The following CARD14 variants were observed in gnomAD, a reference collection of about 807,000 sequenced individuals.
The protein encoded by CARD14 is caspase recruitment domain family member 14, also known as caspase recruitment domain-containing protein 14.
Under a neutral mutation model 111.5 loss-of-function variants are expected in CARD14, and 107 were observed. The observed-to-expected ratio is 0.96, with a 90% CI of 0.82 to 1.13. The LOEUF (loss-of-function observed/expected upper bound fraction) is 1.13. Among genes scored for constraint, CARD14 ranks in the 50% most tolerant of loss-of-function variants. The probability of loss-of-function intolerance (pLI) is 0.00; values close to 1 mark genes in which losing one functional copy is unlikely to be tolerated. For missense variants in CARD14, 1,322 were observed against 1,362.3 expected (o/e 0.97, Z 0.47); for synonymous variants, 617 against 579.6 (o/e 1.06, Z -0.93).
chr17:80,174,629 T>G (rs2039980882), intron 2 of CARD14, among the ~76,000 whole-genome samples: 1 of 152,156 alleles, frequency 6.6e-6, no homozygotes, highest in Non-Finnish European at 1.5e-5. Flanking sequence ...ATCTTCTTAT[T>G]TGGCTGGAAG....
chr17:80,186,262 C>A (rs752623870), intron 7 of CARD14, among the ~76,000 whole-genome samples: 3 of 152,178 alleles, frequency 2.0e-5, no homozygotes, highest in Non-Finnish European at 2.9e-5. Flanking sequence ...ACGGCCTCTG[C>A]CTTCCCTTCT....
In CARD14 at chr17:80,191,345, C is replaced by T; in HGVS notation, c.1112C>T (p.Ala371Val). ...RDQAYSARDSAQREISQSLVE... is the reference protein window; with the variant it reads ...RDQAYSARDSVQREISQSLVE... ...CAGGCGTACTCCGCGAGGGACAGTG[C>T]TCAGAGGGAGATTTCCCAGAGCCTG... Residue 371 changes from alanine (A) to valine (V), a missense_variant, in exon 11 of 24, where the codon GCT becomes GTT. Ala to Val is a moderately conservative substitution (Grantham distance 64, BLOSUM62 0). Transcript: ENST00000648509. The T allele has an allele frequency of 6.2e-7, 1 of 1,613,914 alleles. No homozygotes were observed. The highest frequency in any genetic ancestry group is 8.5e-7 in the Non-Finnish European group (1 of 1,179,950).
intron 22 of CARD14, 143 bp downstream of exon 22, chr17:80,205,795 C>G: frequency 1.2e-6 from 1 of 814,186 alleles, no homozygotes; most frequent in Non-Finnish European, 1.8e-6. Flanking sequence ...AACAGCCCAG[C>G]AGGAGCCCAA....
chr17:80,177,246 TA>T (rs1160778300), intron 2 of CARD14, among the ~76,000 whole-genome samples: 2 of 151,964 alleles, frequency 1.3e-5, no homozygotes, highest in East Asian at 3.9e-4. Flanking sequence ...CTTTTTTTTT[TA>T]AGACAGGGTC....
chr17:80,180,970 C>T (rs1489105929), intron 4 of CARD14, among the ~76,000 whole-genome samples: 1 of 152,118 alleles, frequency 6.6e-6, no homozygotes. Context: ...ACCATATTTG[C>T]CAGGCTGGTC....
chr17:80,195,663 C>T lies in CARD14; in HGVS notation c.1594+11C>T. On this transcript the variant is annotated intron_variant, in intron 14 of 23. Coordinates refer to ENST00000648509, the MANE Select transcript of CARD14 (RefSeq NM_001366385.1). The surrounding 1 kb of genome is among the most constrained non-coding windows in gnomAD (Gnocchi z 4.7). ...TCCTAGACACGGCAGGTGAGCACGC[C>T]CAACCCTGAACCTCCACAGCAGTCC... 4 of 1,607,346 alleles carry T rather than the reference C, an allele frequency of 2.5e-6. No homozygotes were observed. Among genetic ancestry groups the T allele is most frequent in the Non-Finnish European group, 3.4e-6 (4 of 1,176,716 alleles).
chr17:80,188,041 G>A lies in CARD14; in HGVS notation c.676-336G>A, dbSNP rs2040403090. 4 of 901,640 alleles carry A rather than the reference G, an allele frequency of 4.4e-6. No homozygotes were observed. The South Asian group carries it at 2.0e-4, about 46-fold the overall frequency. The allele number at this position is 901,640 out of a possible 1,614,324, so 55.9% of individuals were successfully genotyped here. A position where few individuals can be genotyped will look rare whatever the true frequency, so the allele number is the denominator to read the frequency against. The stretch of plus-strand genomic sequence containing the variant: ...CATGGACAAGCAGGGAAGCCAGGGA[G>A]CATGCTGGCCATCACTGCCGGCTGC... On this transcript the variant is annotated intron_variant, in intron 7 of 23. Coordinates refer to ENST00000648509, the MANE Select transcript of CARD14 (RefSeq NM_001366385.1). The surrounding 1 kb of genome is among the most constrained non-coding windows in gnomAD (Gnocchi z 4.5).
intron 22 of CARD14, 71 bp from the exon 23 acceptor site, chr17:80,206,899 T>C (rs1313291422): frequency 1.9e-5 from 21 of 1,125,484 alleles, no homozygotes; most frequent in Admixed American, 6.2e-5. Context: ...CCTTCTGACC[T>C]GGGCGTTGGC....
chr17:80,180,479 T>C (rs1249130975), intron 4 of CARD14, among the ~76,000 whole-genome samples: 7 of 152,224 alleles, frequency 4.6e-5, no homozygotes, highest in African/African-American at 1.7e-4. Context: ...CCCCAGCACA[T>C]TTCCCTCATG....
In CARD14 at chr17:80,182,835, C is replaced by T; in HGVS notation, c.349+45C>T. On this transcript the variant is annotated intron_variant, in intron 6 of 23. Transcript: ENST00000648509. The surrounding 1 kb of genome is among the most constrained non-coding windows in gnomAD (Gnocchi z 4.7). ...CGGTTTGGCAGGCACTTCTAGGAAC[C>T]TCAGGCTCCTGGTAACCCCAGGTGC... 1.2e-6 allele frequency: 2 copies of T among 1,609,728 alleles called. No individual in the cohort carries two copies. Among genetic ancestry groups the T allele is most frequent in the Non-Finnish European group, 1.7e-6 (2 of 1,176,902 alleles).
rs2041000700 is a variant in CARD14, at chr17:80,201,964, G to A, written c.1978+94G>A. 1.4e-6 allele frequency: 2 copies of A among 1,470,750 alleles called. No homozygotes were observed. The highest frequency in any genetic ancestry group is 1.8e-6 in the Non-Finnish European group (2 of 1,091,506). The allele number at this position is 1,470,750 out of a possible 1,614,324, so 91.1% of individuals were successfully genotyped here. Reference sequence around the variant, plus strand: ...GTTCTTCTGCACGCCCAGCAGCCAGGGACCCCCAGAGCCAAGAGAGGATCA... The same window carrying A: ...GTTCTTCTGCACGCCCAGCAGCCAGAGACCCCCAGAGCCAAGAGAGGATCA... On this transcript the variant is annotated intron_variant, in intron 17 of 23. Coordinates refer to ENST00000648509, the MANE Select transcript of CARD14 (RefSeq NM_001366385.1). This position sits in a 1 kb window ranked among gnomAD's most constrained non-coding sequence, Gnocchi z 5.0.
chr17:80,186,279 G>A (rs1225977912), intron 7 of CARD14, among the ~76,000 whole-genome samples: 1 of 152,152 alleles, frequency 6.6e-6, no homozygotes, highest in Non-Finnish European at 1.5e-5. Flanking sequence ...TTCTCCCGTG[G>A]CTGACTCTGT....
rs746627122 is a variant in CARD14 at position 80,201,534 on chromosome 17, T to C, written c.1852-210T>C. On this transcript the variant is annotated intron_variant, in intron 16 of 23. Coordinates refer to ENST00000648509, the MANE Select transcript of CARD14 (RefSeq NM_001366385.1). This position sits in a 1 kb window ranked among gnomAD's most constrained non-coding sequence, Gnocchi z 5.0. ...GGGGAAGGGTTGGCAGTTGACTCTCTGGCCAGCACTATGTGTAGCACGCAT... is the reference window on the plus strand; with the variant it reads ...GGGGAAGGGTTGGCAGTTGACTCTCCGGCCAGCACTATGTGTAGCACGCAT... The C allele has an allele frequency of 3.4e-5, 19 of 562,770 alleles. No homozygotes were observed. The highest frequency in any genetic ancestry group is 4.1e-5 in the Non-Finnish European group (13 of 317,482). The allele number at this position is 562,770 out of a possible 1,614,324, so 34.9% of individuals were successfully genotyped here.
In CARD14 at chr17:80,208,470, C is replaced by A; in HGVS notation, c.*125C>A. 1.1e-6 allele frequency: 1 copy of A among 875,582 alleles called. No homozygotes were observed. The highest frequency in any genetic ancestry group is 1.7e-6 in the Non-Finnish European group (1 of 590,974). 54.2% of individuals were successfully genotyped at this position (875,582 alleles called of 1,614,324 possible). On this transcript the variant is annotated 3_prime_UTR_variant, in exon 24 of 24. Transcript: ENST00000648509. The stretch of plus-strand genomic sequence containing the variant: ...TGGCACATGAGGCCGGCTCTCCCCA[C>A]TGGCTGGGGTCTAACCTTGAACCCT...
At chr17:80,190,635 A>AGT in intron 9 of CARD14, 139 bp from the exon 10 acceptor site, 1 of 811,124 alleles carries the variant, frequency 1.2e-6, no homozygotes, top group Non-Finnish European at 1.8e-6. Context: ...AAAAAGAGAG[A>AGT]GAGAGACGAG....
chr17:80,198,748 C>T lies in CARD14; in HGVS notation c.1851+157C>T. On this transcript the variant is annotated intron_variant, in intron 16 of 23. Transcript: ENST00000648509. The surrounding 1 kb of genome is among the most constrained non-coding windows in gnomAD (Gnocchi z 7.5). The stretch of plus-strand genomic sequence containing the variant: ...CTGGGCTGACGTAAAGCGTTCTGCT[C>T]ATTTATAGATGAGAGTCGTGCCGTG... 2 of 1,534,918 alleles carry T rather than the reference C, an allele frequency of 1.3e-6. No homozygotes were observed. Among genetic ancestry groups the T allele is most frequent in the South Asian group, 2.5e-5 (2 of 81,354 alleles).
At chr17:80,174,545 A>G (rs1409183380) in intron 2 of CARD14, among the ~76,000 whole-genome samples, 1 of 152,166 alleles carries the variant, frequency 6.6e-6, no homozygotes, top group Admixed American at 6.6e-5. Context: ...GGGTCATGGA[A>G]GATAAAGTGA....
chr17:80,186,404 G>A (rs1232365081), intron 7 of CARD14, among the ~76,000 whole-genome samples: 3 of 152,160 alleles, frequency 2.0e-5, no homozygotes, highest in South Asian at 2.1e-4. Context: ...AACCAGCTCC[G>A]TGTCCTAAAA....
intron 14 of CARD14, chr17:80,197,664 T>C: frequency 4.6e-6 from 1 of 216,636 alleles, no homozygotes; most frequent in Middle Eastern, 2.0e-3. Context: ...TACAGGTCAG[T>C]GCGGAAATGC....
Sources: gnomAD v4.1 joint callset for allele counts (sites outside exome capture counted in the v4.1 genomes callset) on GRCh38, gnomAD v4.1.1 for gene constraint, Gnocchi (gnomAD v3.1) non-coding constraint, MANE v1.5 for transcripts, NCBI Gene and HGNC (gene_info 2026-07-23, HGNC 2026-07-21) for gene names.